The following TACC2 variants were observed in gnomAD, a reference collection of about 807,000 sequenced individuals.
TACC2 encodes transforming acidic coiled-coil containing protein 2.
Under a neutral mutation model 227.3 loss-of-function variants are expected in TACC2, and 137 were observed. The ratio of observed to expected loss-of-function variants is 0.60; its 90% CI spans 0.52 to 0.69. The LOEUF is 0.69. Among genes scored for constraint, TACC2 ranks in the 30% least tolerant of loss-of-function variants. TACC2 has a pLI of 0.00. For missense variants in TACC2, 3,470 were observed against 3,694.4 expected (o/e 0.94, Z 1.57); for synonymous variants, 1,523 against 1,487.5 (o/e 1.02, Z -0.55).
At chr10:122,028,975 C>T (rs182386448) in intron 2 of TACC2, among the ~76,000 whole-genome samples, 15 of 304 alleles carry the variant, frequency 0.049, no homozygotes, top group African/African-American at 0.14. Context: ...TCCCTTCCCT[C>T]CCCTCCCCTC....
chr10:122,202,798 A>T (rs1379533091), intron 8 of TACC2, among the ~76,000 whole-genome samples: 1 of 149,562 alleles, frequency 6.7e-6, no homozygotes, highest in Admixed American at 6.7e-5. Context: ...TAGGCAGAGG[A>T]CCCTGCGGCC....
At position 122,083,683 on chromosome 10, in the gene TACC2, G is replaced by A. The variant is rs779778333; in HGVS notation, c.1183G>A (p.Gly395Ser). ...TCAAGTTGTCTGTGTGGCAGCAGGC[G>A]GCCAGCCCGAAGGGGGTTTGCCTGT... is the stretch of plus-strand genomic sequence containing the variant. The part of the protein sequence containing the change: ...PNQVVCVAAG[G>S]QPEGGLPVSP... The change falls in exon 4 of 23, where the codon GGC (glycine) becomes AGC (serine). Residue 395 changes from glycine to serine, a missense_variant. Physicochemically the swap from Gly to Ser is moderately conservative, Grantham distance 56. Transcript: ENST00000369005. The A allele has an allele frequency of 9.3e-6, 15 of 1,612,504 alleles. No individual in the cohort carries two copies. Among genetic ancestry groups the A allele is most frequent in the East Asian group, 4.5e-5 (2 of 44,872 alleles).
At chr10:122,026,725 C>T (rs933249900) in intron 2 of TACC2, among the ~76,000 whole-genome samples, 1 of 152,104 alleles carries the variant, frequency 6.6e-6, no homozygotes, top group East Asian at 1.9e-4. Context: ...TTGGATCCTA[C>T]AGTATGTAGC....
At chr10:122,186,228 C>T (rs2094186659) in intron 7 of TACC2, among the ~76,000 whole-genome samples, 1 of 152,168 alleles carries the variant, frequency 6.6e-6, no homozygotes. Context: ...CACGCCTGGC[C>T]AAGTAACTCA....
At chr10:122,229,302 C>G in intron 14 of TACC2, 44 bp from the exon 15 acceptor site, 1 of 1,610,638 alleles carries the variant, frequency 6.2e-7, no homozygotes, top group Non-Finnish European at 8.5e-7. Flanking sequence ...ACTCTCTGTT[C>G]TCCTCTATTT....
rs2091173471 is a variant in TACC2 at position 122,144,960 on chromosome 10, C to A, written c.5834+1254C>A. 2.6e-5 allele frequency among the ~76,000 whole-genome samples: 4 copies of A among 152,168 alleles called. No individual in the cohort carries two copies. In the South Asian group the frequency reaches 8.3e-4, roughly 31 times the overall value. On this transcript the variant is annotated intron_variant, in intron 7 of 22. Transcript: ENST00000369005. Reference sequence around the variant, plus strand: ...GACAAGGAAATGTATGGGAGGTCTGCTTTTCTGCTGGTGAGATAGCACAAG... The same window carrying A: ...GACAAGGAAATGTATGGGAGGTCTGATTTTCTGCTGGTGAGATAGCACAAG...
chr10:122,241,088 C>T (rs537887092), intron 18 of TACC2, among the ~76,000 whole-genome samples: 1 of 152,180 alleles, frequency 6.6e-6, no homozygotes, highest in East Asian at 1.9e-4. Flanking sequence ...GAGAAACAGA[C>T]TGTGAGGGGT....
At chr10:122,215,301 G>C in intron 9 of TACC2, 90 bp from the exon 10 acceptor site, 1 of 1,213,834 alleles carries the variant, frequency 8.2e-7, no homozygotes, top group Non-Finnish European at 1.2e-6. Context: ...AGATGGCTCC[G>C]CAGAGGCAGT....
chr10:122,163,669 A>ACGCCGGCAACACTCGGGCGCG, intron 7 of TACC2: 1 of 1,040,842 alleles, frequency 9.6e-7, no homozygotes, highest in Non-Finnish European at 1.2e-6. Flanking sequence ...AGAGCCGCGC[A>ACGCCGGCAACACTCGGGCGCG]CGCCGGCCAC....
intron 7 of TACC2, among the ~76,000 whole-genome samples, chr10:122,146,254 C>T (rs909163147): frequency 6.6e-6 from 1 of 151,676 alleles, no homozygotes; most frequent in Non-Finnish European, 1.5e-5. Context: ...TGGGGAGAAA[C>T]AGCATGTGCA....
intron 2 of TACC2, among the ~76,000 whole-genome samples, chr10:122,026,856 A>G (rs1958096258): frequency 6.6e-6 from 1 of 152,062 alleles, no homozygotes; most frequent in African/African-American, 2.4e-5. Context: ...GTACCGGTTT[A>G]TTGATCTACT....
At chr10:122,108,984 C>T (rs902639903) in intron 5 of TACC2, among the ~76,000 whole-genome samples, 7 of 152,228 alleles carry the variant, frequency 4.6e-5, no homozygotes, top group Non-Finnish European at 8.8e-5. Flanking sequence ...CCGCCCACCT[C>T]GGCCTCCCAG....
At chr10:122,067,694 T>C (rs2077540102) in intron 3 of TACC2, among the ~76,000 whole-genome samples, 1 of 152,020 alleles carries the variant, frequency 6.6e-6, no homozygotes, top group South Asian at 2.1e-4. Context: ...TTAGTAGAGA[T>C]GGGGTTTCAC....
intron 7 of TACC2, among the ~76,000 whole-genome samples, chr10:122,186,537 A>G (rs950835540): frequency 6.6e-6 from 1 of 151,788 alleles, no homozygotes; most frequent in Non-Finnish European, 1.5e-5. Context: ...TTTTTGAAAC[A>G]GAGTCTTGCT....
At position 122,230,379 on chromosome 10, in the gene TACC2, T is replaced by C. The variant is rs765996074; in HGVS notation, c.8066T>C (p.Ile2689Thr). The change falls in exon 16 of 23, where the codon ATA (isoleucine) becomes ACA (threonine). Residue 2689 changes from isoleucine (I) to threonine (T), a missense_variant. Around this residue, in one of 10 missense-constraint regions of TACC2, gnomAD observed 345 missense variants for 354.4 expected, o/e 0.97. Transcript: ENST00000369005. ...GAGTTAGAGTTTGCCATCATGCGGA[T>C]AGAAGCCCTGAAGCTGGCCAGGCAG... ...QEELEFAIMR[I>T]EALKLARQIA... is the part of the protein sequence containing the mutation. The C allele has an allele frequency of 8.7e-6, 14 of 1,614,080 alleles. No individual in the cohort carries two copies. In the Middle Eastern group the frequency reaches 6.6e-4, roughly 76 times the overall value.
At chr10:122,116,292 C>A (rs1347797819) in intron 5 of TACC2, among the ~76,000 whole-genome samples, 2 of 152,150 alleles carry the variant, frequency 1.3e-5, no homozygotes, top group Non-Finnish European at 2.9e-5. Context: ...TGTCCCCATC[C>A]CTCTGTCCGC....
chr10:122,008,798 C>T (rs184350991), intron 1 of TACC2, among the ~76,000 whole-genome samples: 1 of 152,254 alleles, frequency 6.6e-6, no homozygotes, highest in Admixed American at 6.5e-5. Context: ...GTCTCAAACT[C>T]CTGACCTCAA....
chr10:122,011,499 T>G (rs1257660562), intron 1 of TACC2, among the ~76,000 whole-genome samples: 1 of 152,076 alleles, frequency 6.6e-6, no homozygotes, highest in Admixed American at 6.6e-5. Flanking sequence ...CCAGCTAATT[T>G]TTGTATTTTC....
intron 14 of TACC2, among the ~76,000 whole-genome samples, chr10:122,228,651 G>A (rs544337249): frequency 1.4e-4 from 22 of 152,138 alleles, no homozygotes; most frequent in Non-Finnish European, 3.2e-4. Context: ...CCCCAAGCAG[G>A]TGTGAAGCCC....
Sources: gnomAD v4.1 joint callset for allele counts (sites outside exome capture counted in the v4.1 genomes callset) on GRCh38, gnomAD v4.1.1 for gene constraint, gnomAD v4.1.1 regional missense constraint, MANE v1.5 for transcripts, NCBI Gene and HGNC (gene_info 2026-07-23, HGNC 2026-07-21) for gene names.